SYNE2: variants seen among roughly 807,000 people sequenced by gnomAD.
The protein encoded by SYNE2 is nesprin-2.
Under a neutral mutation model 856.3 loss-of-function variants are expected in SYNE2, and 431 were observed. That is an observed-to-expected ratio of 0.50 (90% CI 0.47 to 0.55). The LOEUF is 0.55. Ranked by LOEUF, SYNE2 falls within the 20% of genes least tolerant of loss-of-function variation. The probability of loss-of-function intolerance (pLI) is 0.00; values close to 1 mark genes in which losing one functional copy is unlikely to be tolerated. For synonymous variants in SYNE2, 2,923 were observed against 2,872.3 expected (o/e 1.02, Z -0.56); for missense variants, 8,129 against 8,023.2 (o/e 1.01, Z -0.50).
In SYNE2 at chr14:63,874,163, C is replaced by T. The variant is rs113985690; in HGVS notation, c.-52+21020C>T. On this transcript the variant is annotated intron_variant, in intron 1 of 115. Transcript: ENST00000555002. Reference sequence around the variant, plus strand: ...TCTTCCTTACAGATTGCTTGCATTACGTATCTATGAGATGTCCGTCTGTCA... The same window carrying T: ...TCTTCCTTACAGATTGCTTGCATTATGTATCTATGAGATGTCCGTCTGTCA... 5.5e-3 allele frequency among the ~76,000 whole-genome samples: 844 copies of T among 152,224 alleles called. 5 individuals carry two copies. Among genetic ancestry groups the T allele is most frequent in the African/African-American group, 0.019 (779 of 41,524 alleles).
At chr14:63,798,160 C>T (rs1157375243) in intron 1 of SYNE2, among the ~76,000 whole-genome samples, 2 of 152,162 alleles carry the variant, frequency 1.3e-5, no homozygotes, top group African/African-American at 4.8e-5. Flanking sequence ...CCATCTCAGC[C>T]TCCTAAGTAT....
At chr14:63,980,898 C>A in intron 15 of SYNE2, 88 bp from the exon 16 acceptor site, 1 of 1,091,674 alleles carries the variant, frequency 9.2e-7, no homozygotes, top group Non-Finnish European at 1.3e-6. Context: ...ATTATTTTGC[C>A]GCTGTCAATT....
chr14:63,970,841 C>G (rs896568149), intron 11 of SYNE2, among the ~76,000 whole-genome samples: 7 of 151,282 alleles, frequency 4.6e-5, no homozygotes, highest in African/African-American at 1.7e-4. Context: ...TTATTAGAGA[C>G]AGAGTTTCAC....
At chr14:63,851,820 T>G (rs1890484689), upstream of SYNE2, among the ~76,000 whole-genome samples, 1 of 151,874 alleles carries the variant, frequency 6.6e-6, no homozygotes, top group Admixed American at 6.6e-5. Context: ...CAGTGGCTCA[T>G]GCCTGTAATC....
chr14:64,214,110 G>C, intron 105 of SYNE2, 84 bp from the exon 106 acceptor site: 1 of 1,606,006 alleles, frequency 6.2e-7, no homozygotes, highest in Non-Finnish European at 8.5e-7. Flanking sequence ...TTTGGAAACT[G>C]CTAGATAGGC....
chr14:64,066,387 T>A (rs1483324644), intron 51 of SYNE2, among the ~76,000 whole-genome samples: 2 of 151,972 alleles, frequency 1.3e-5, no homozygotes, highest in African/African-American at 2.4e-5. Flanking sequence ...AGTCCCAGCT[T>A]CTTGGGAGGC....
Position 64,152,599 on chromosome 14 carries a change from A to G in SYNE2, c.15675A>G (p.Ala5225=), listed in dbSNP as rs199833237. The change falls in exon 85 of 116, where the codon GCA becomes GCG. Residue 5225 remains alanine, a synonymous_variant. Transcript: ENST00000555002. ...IENQLAIKSK[A]LDELKQSYLT... ...ATCAACTTGCAATTAAATCCAAAGCACTAGATGAGTTGAAACAAAGTTATC... is the reference window on the plus strand; with the variant it reads ...ATCAACTTGCAATTAAATCCAAAGCGCTAGATGAGTTGAAACAAAGTTATC... The G allele has an allele frequency of 8.1e-6, 13 of 1,614,140 alleles. No individual in the cohort carries two copies. The highest frequency in any genetic ancestry group is 1.7e-4 in the Middle Eastern group (1 of 6,058).
intron 1 of SYNE2, among the ~76,000 whole-genome samples, chr14:63,794,467 G>A (rs5012496): frequency 0.1 from 15,814 of 152,130 alleles, 914 homozygotes; most frequent in African/African-American, 0.15. Context: ...TGGGATTACA[G>A]ATGTGAGCCA....
chr14:64,196,725 A>G (rs972722178), intron 99 of SYNE2: 1 of 152,236 alleles, frequency 6.6e-6, no homozygotes, highest in African/African-American at 2.4e-5. Context: ...CACTTCATAA[A>G]TAACCCATAG....
At chr14:64,225,194 C>G in intron 115 of SYNE2, 125 bp from the exon 116 acceptor site, 1 of 1,561,926 alleles carries the variant, frequency 6.4e-7, no homozygotes, top group Non-Finnish European at 8.8e-7. Flanking sequence ...AACTGAACCC[C>G]AACTGTTGGC....
At chr14:63,762,435 C>CAAAA (rs71120281) in intron 1 of SYNE2, among the ~76,000 whole-genome samples, 1,612 of 64,092 alleles carry the variant, frequency 0.025, 69 homozygotes, top group African/African-American at 0.078. Context: ...AACTCCATCT[C>CAAAA]AAAAAAAAAA....
chr14:63,845,922 T>C (rs999527309), intron 1 of SYNE2, among the ~76,000 whole-genome samples: 2 of 151,926 alleles, frequency 1.3e-5, no homozygotes, highest in African/African-American at 4.8e-5. Flanking sequence ...TTTTGTATTA[T>C]TAGTAAAGAG....
At chr14:63,813,188 C>G (rs1888683751) in intron 1 of SYNE2, among the ~76,000 whole-genome samples, 1 of 152,182 alleles carries the variant, frequency 6.6e-6, no homozygotes, top group Non-Finnish European at 1.5e-5. Context: ...ACTATTCTTG[C>G]TGCACTTATG....
intron 88 of SYNE2, 132 bp downstream of exon 88, chr14:64,162,408 G>A (rs1284030942): frequency 1.0e-6 from 1 of 958,678 alleles, no homozygotes. Flanking sequence ...AACTTGCCAT[G>A]TAGGACATAG....
Position 64,000,283 on chromosome 14 carries a change from C to T in SYNE2, c.3481-279C>T, listed in dbSNP as rs181179113. ...TGTATGTATTTTTCTGAATTGTATT[C>T]TATGTAATTACCTTAGGGGAAGGGA... On this transcript the variant is annotated intron_variant, in intron 27 of 115. Coordinates refer to ENST00000555002, the MANE Select transcript of SYNE2 (RefSeq NM_182914.3). Among the ~76,000 whole-genome samples, 290 of 152,268 alleles carry T rather than the reference C, an allele frequency of 1.9e-3. 1 individual carries two copies. The highest frequency in any genetic ancestry group is 5.8e-3 in the African/African-American group (240 of 41,544).
At position 64,016,675 on chromosome 14, in the gene SYNE2, A is replaced by G; in HGVS notation, c.4887+44A>G. ...GATTGCAAATTTAATTTTGTTTCCA[A>G]TATTTTGGTGTATCTTTAGTATTTT... On this transcript the variant is annotated intron_variant, in intron 33 of 115. Transcript: ENST00000555002. 2.2e-6 allele frequency: 3 copies of G among 1,341,188 alleles called. No individual in the cohort carries two copies. In the Admixed American group the frequency reaches 5.3e-5, roughly 24 times the overall value. 83.1% of individuals were successfully genotyped at this position (1,341,188 alleles called of 1,614,324 possible). A position where few individuals can be genotyped will look rare whatever the true frequency, so the allele number is the denominator to read the frequency against.
intron 64 of SYNE2, among the ~76,000 whole-genome samples, chr14:64,104,772 A>G (rs1258944022): frequency 6.6e-6 from 1 of 152,050 alleles, no homozygotes; most frequent in African/African-American, 2.4e-5. Context: ...TTTCAGGGCA[A>G]TTTTATTTCC....
intron 11 of SYNE2, 39 bp downstream of exon 11, chr14:63,967,885 A>G: frequency 6.2e-6 from 10 of 1,608,254 alleles, no homozygotes; most frequent in Non-Finnish European, 7.6e-6. Context: ...TTTTCAGGCC[A>G]AAAGCAGTGG....
At chr14:64,114,882 A>G (rs1204758537) in intron 66 of SYNE2, among the ~76,000 whole-genome samples, 2 of 152,102 alleles carry the variant, frequency 1.3e-5, no homozygotes, top group Non-Finnish European at 2.9e-5. Context: ...CAGCCTCCCA[A>G]AGTGCTGGAT....
Sources: gnomAD v4.1 joint callset for allele counts (sites outside exome capture counted in the v4.1 genomes callset) on GRCh38, gnomAD v4.1.1 for gene constraint, MANE v1.5 for transcripts, NCBI Gene and HGNC (gene_info 2026-07-23, HGNC 2026-07-21) for gene names.